The following MAP4K4 variants were observed in gnomAD, a reference collection of about 807,000 sequenced individuals.
MAP4K4 encodes the protein HPK/GCK-like kinase HGK.
In MAP4K4, 38 loss-of-function variants were observed where a neutral mutation model predicts 189.6. The observed-to-expected ratio is 0.20, with a 90% CI of 0.15 to 0.26. The LOEUF is 0.26. Ranked by LOEUF, MAP4K4 falls within the 10% of genes least tolerant of loss-of-function variation. MAP4K4 has a pLI of 1.00. For synonymous variants in MAP4K4, 610 were observed against 624.3 expected (o/e 0.98, Z 0.34); for missense variants, 1,054 against 1,726.9 (o/e 0.61, Z 6.91).
intron 9 of MAP4K4, among the ~76,000 whole-genome samples, chr2:101,838,706 T>C (rs557537860): frequency 3.3e-5 from 5 of 152,196 alleles, no homozygotes; most frequent in African/African-American, 4.8e-5. Flanking sequence ...GAACCTGACA[T>C]AAACAAATGC....
intron 2 of MAP4K4, among the ~76,000 whole-genome samples, chr2:101,720,151 G>A (rs2149429708): frequency 6.6e-6 from 1 of 150,460 alleles, no homozygotes. Flanking sequence ...AAGTGTTTGT[G>A]TTTTTTGGGG....
chr2:101,704,052 CA>C (rs2040572535), intron 2 of MAP4K4, among the ~76,000 whole-genome samples: 1 of 152,098 alleles, frequency 6.6e-6, no homozygotes, highest in Non-Finnish European at 1.5e-5. Flanking sequence ...CATTTTGGAG[CA>C]AGTACTTAAA....
At chr2:101,710,104 C>G (rs999812779) in intron 2 of MAP4K4, among the ~76,000 whole-genome samples, 5 of 152,098 alleles carry the variant, frequency 3.3e-5, no homozygotes, top group Non-Finnish European at 5.9e-5. Context: ...AGAGGTATGT[C>G]AAAGACTGAA....
intron 12 of MAP4K4, among the ~76,000 whole-genome samples, chr2:101,852,912 T>G (rs940322138): frequency 6.6e-6 from 1 of 152,220 alleles, no homozygotes; most frequent in Admixed American, 6.5e-5. Context: ...TAAATACTAA[T>G]CAGTGTGACT....
At chr2:101,841,629 C>T (rs571961400) in intron 10 of MAP4K4, among the ~76,000 whole-genome samples, 55 of 152,132 alleles carry the variant, frequency 3.6e-4, no homozygotes, top group Non-Finnish European at 5.3e-4. Flanking sequence ...CCACCACACC[C>T]GGCTGGTTTT....
chr2:101,699,203 G>T (rs953632556), intron 2 of MAP4K4, among the ~76,000 whole-genome samples: 2 of 152,284 alleles, frequency 1.3e-5, no homozygotes, highest in East Asian at 3.9e-4. Context: ...AGAGCGAAGA[G>T]AATATAGAGG....
chr2:101,717,974 T>A (rs2049355700), intron 2 of MAP4K4, among the ~76,000 whole-genome samples: 1 of 151,890 alleles, frequency 6.6e-6, no homozygotes, highest in Non-Finnish European at 1.5e-5. Flanking sequence ...AAAGCTATCT[T>A]GGCCAGGCAT....
At chr2:101,870,236 A>C in intron 22 of MAP4K4, 59 bp from the exon 23 acceptor site, 1 of 1,579,548 alleles carries the variant, frequency 6.3e-7, no homozygotes, top group Non-Finnish European at 8.6e-7. Flanking sequence ...AAAAGCCTAA[A>C]CAGGATCTCC....
Position 101,823,908 on chromosome 2 carries a change from T to A in MAP4K4, c.181-20T>A. 6.3e-7 allele frequency: 1 copy of A among 1,581,988 alleles called. No homozygotes were observed. The highest frequency in any genetic ancestry group is 2.3e-5 in the East Asian group (1 of 44,048). On this transcript the variant is annotated intron_variant, in intron 3 of 32. Transcript: ENST00000324219. ...CACATCGTTCAGTAGCCACACATTT[T>A]ATTTTTATTTTTTCATAAGGATGAA...
At chr2:101,876,133 T>G (rs1455008391) in intron 26 of MAP4K4, among the ~76,000 whole-genome samples, 1 of 152,156 alleles carries the variant, frequency 6.6e-6, no homozygotes, top group Non-Finnish European at 1.5e-5. Flanking sequence ...TGGGAGCTGT[T>G]GATAGAAGCA....
intron 28 of MAP4K4, 29 bp downstream of exon 28, chr2:101,882,714 T>C: frequency 1.3e-6 from 2 of 1,492,920 alleles, no homozygotes; most frequent in Non-Finnish European, 8.9e-7. Context: ...ATATTTTGTT[T>C]TTCCAGAGTT....
Position 101,801,871 on chromosome 2 carries a change from C to G in MAP4K4, c.180+11095C>G, listed in dbSNP as rs1040056740. On this transcript the variant is annotated intron_variant, in intron 3 of 32. Transcript: ENST00000324219. ...AAGCTTGTTGCACTTGGAGCCTTGTCTTTTCTCAGTTGGTGGCAACTCCAC... is the reference window on the plus strand; with the variant it reads ...AAGCTTGTTGCACTTGGAGCCTTGTGTTTTCTCAGTTGGTGGCAACTCCAC... Among the ~76,000 whole-genome samples, 7 of 152,180 alleles carry G rather than the reference C, an allele frequency of 4.6e-5. No homozygotes were observed. The East Asian group carries it at 5.8e-4, about 13-fold the overall frequency.
intron 1 of MAP4K4, 29 bp downstream of exon 1, chr2:101,698,166 G>A (rs1402825509): frequency 2.7e-6 from 3 of 1,121,216 alleles, no homozygotes; most frequent in South Asian, 2.2e-5. Context: ...GGGCGCGCGG[G>A]GAGCGGGCAG....
chr2:101,850,312 A>G (rs1201170340), intron 12 of MAP4K4, among the ~76,000 whole-genome samples: 3 of 152,236 alleles, frequency 2.0e-5, no homozygotes, highest in Admixed American at 2.0e-4. Context: ...TCTGTGTGAA[A>G]TGGGATTAGT....
At chr2:101,835,364 A>T (rs1408495105) in intron 8 of MAP4K4, among the ~76,000 whole-genome samples, 1 of 152,230 alleles carries the variant, frequency 6.6e-6, no homozygotes, top group Non-Finnish European at 1.5e-5. Context: ...ATGTGTGCCT[A>T]ACACACCTTT....
chr2:101,823,876 A>G, intron 3 of MAP4K4, 52 bp from the exon 4 acceptor site: 1 of 1,503,006 alleles, frequency 6.7e-7, no homozygotes, highest in Non-Finnish European at 9.0e-7. Context: ...GGGGAAGTAA[A>G]GTCATTCACA....
At chr2:101,755,494 AG>A (rs895337750) in intron 2 of MAP4K4, among the ~76,000 whole-genome samples, 1 of 152,192 alleles carries the variant, frequency 6.6e-6, no homozygotes, top group African/African-American at 2.4e-5. Flanking sequence ...CAACTGTTGA[AG>A]GAACAGAAAC....
At chr2:101,868,116 G>A in intron 21 of MAP4K4, 79 bp downstream of exon 21, 1 of 1,468,318 alleles carries the variant, frequency 6.8e-7, no homozygotes, top group Non-Finnish European at 9.4e-7. Context: ...TCGAGCTGCG[G>A]TCCTGCTCCT....
intron 3 of MAP4K4, among the ~76,000 whole-genome samples, chr2:101,807,525 A>G (rs1253587456): frequency 6.6e-6 from 1 of 152,200 alleles, no homozygotes; most frequent in Non-Finnish European, 1.5e-5. Flanking sequence ...TCCTAGACTG[A>G]TGGTAACCTA....
Sources: gnomAD v4.1 joint callset for allele counts (sites outside exome capture counted in the v4.1 genomes callset) on GRCh38, gnomAD v4.1.1 for gene constraint, MANE v1.5 for transcripts, NCBI Gene and HGNC (gene_info 2026-07-23, HGNC 2026-07-21) for gene names.